Variants in CYFIP1 observed in about 807,000 individuals in gnomAD.
The protein encoded by CYFIP1 is cytoplasmic FMR1 interacting protein 1.
A neutral mutation model predicts 163.5 loss-of-function variants in CYFIP1; 58 were observed. That is an observed-to-expected ratio of 0.35 (90% CI 0.29 to 0.44). The LOEUF (loss-of-function observed/expected upper bound fraction) is 0.44. Among genes scored for constraint, CYFIP1 ranks in the 20% least tolerant of loss-of-function variants. The pLI, the probability that CYFIP1 is intolerant of heterozygous loss-of-function variation, is 1.00. For missense variants in CYFIP1, 1,338 were observed against 1,653.8 expected, an observed-to-expected ratio of 0.81 and a Z score of 3.31; for synonymous variants, 663 against 660.7, an observed-to-expected ratio of 1.00 and a Z score of -0.05.
At position 22,875,258 on chromosome 15, in the gene CYFIP1, ACTT is replaced by A. The variant is rs763262394; in HGVS notation, c.3053_3055del (p.Glu1018del). On this transcript the variant is annotated inframe_deletion, in exon 27 of 31. Transcript: ENST00000617928. ...AGGAGCCGCGTGCAGCAGGTCACAC[ACTT>A]CTTCTAAAGACTAGAGCAGAGAAAG... The A allele has an allele frequency of 3.1e-6, 5 of 1,614,128 alleles. No homozygotes were observed. Among genetic ancestry groups the A allele is most frequent in the Non-Finnish European group, 4.2e-6 (5 of 1,179,960 alleles).
At chr15:22,895,111 T>C (rs992147209) in intron 22 of CYFIP1, among the ~76,000 whole-genome samples, 1 of 151,568 alleles carries the variant, frequency 6.6e-6, no homozygotes, top group African/African-American at 2.4e-5. Flanking sequence ...GCCTCCCAGG[T>C]TCAGGCCATT....
At position 22,910,590 on chromosome 15, in the gene CYFIP1, T is replaced by G. The variant is rs2060752546; in HGVS notation, c.2198A>C (p.Asn733Thr). 5 of 1,614,078 alleles carry G rather than the reference T, an allele frequency of 3.1e-6. No homozygotes were observed. Among genetic ancestry groups the G allele is most frequent in the Non-Finnish European group, 4.2e-6 (5 of 1,180,012 alleles). Residue 733 changes from asparagine (N) to threonine (T), a missense_variant, in exon 20 of 31, where the codon AAT (asparagine) becomes ACT (threonine). This residue lies in a region of CYFIP1 where 824 missense variants were observed against 995.7 expected (regional missense o/e 0.83). Coordinates refer to ENST00000617928, the MANE Select transcript of CYFIP1 (RefSeq NM_014608.6). ...CGGGAGGTGGATCGTGGCTCCCTGA[T>G]TCTTGCATTCTGATCGTAACCGTTT... ...LDKRLRSECK[N>T]QGATIHLPPS... is the part of the protein sequence containing the mutation.
chr15:22,978,539 T>C (rs1321717960), intron 1 of CYFIP1, among the ~76,000 whole-genome samples: 1 of 152,078 alleles, frequency 6.6e-6, no homozygotes, highest in East Asian at 1.9e-4. Flanking sequence ...ACTATGTTAT[T>C]TAAAAAATTA....
intron 1 of CYFIP1, among the ~76,000 whole-genome samples, chr15:22,971,730 C>T (rs4450364): frequency 0.028 from 4,242 of 151,854 alleles, 224 homozygotes; most frequent in African/African-American, 0.097. Context: ...AGTAGCTGCA[C>T]GTGGTGGCTC....
At chr15:22,957,582 G>A (rs529626222) in intron 1 of CYFIP1, among the ~76,000 whole-genome samples, 16 of 152,296 alleles carry the variant, frequency 1.1e-4, no homozygotes, top group Admixed American at 9.8e-4. Flanking sequence ...CTTGCAGTGA[G>A]CCGAGATCGT....
Position 22,917,350 on chromosome 15 carries a change from A to G in CYFIP1, c.1674+438T>C. 8.0e-7 allele frequency: 1 copy of G among 1,255,594 alleles called. No homozygotes were observed. Among genetic ancestry groups the G allele is most frequent in the Admixed American group, 3.8e-5 (1 of 26,122 alleles). The allele number at this position is 1,255,594 out of a possible 1,614,324, so 77.8% of individuals were successfully genotyped here. The stretch of plus-strand genomic sequence containing the variant: ...GTGAGAAGCACCTCGGGGAGGCCTG[A>G]ACACACCAGGAGAGAGGACAGTGGG... On this transcript the variant is annotated intron_variant, in intron 15 of 30. Transcript: ENST00000617928. This position sits in a 1 kb window ranked among gnomAD's most constrained non-coding sequence, Gnocchi z 4.2.
rs768888794 is a variant in CYFIP1, at chr15:22,917,795, C to T, written c.1667G>A (p.Ser556Asn). 3.7e-6 allele frequency: 6 copies of T among 1,607,794 alleles called. No homozygotes were observed. The Admixed American group carries it at 1.0e-4, about 27-fold the overall frequency. ...KVPRRAVGPS[S>N]TQLYMVRTML... is the part of the protein sequence containing the mutation. ...GGCTCAAGGGACGAGAACCTGAGTG[C>T]TGGAGGGTCCCACGGCGCGGCGTGG... The change falls in exon 15 of 31, where the codon AGC becomes AAC. Residue 556 changes from serine (S) to asparagine (N), a missense_variant. Transcript: ENST00000617928. The surrounding 1 kb of genome is among the most constrained non-coding windows in gnomAD (Gnocchi z 4.2).
chr15:22,963,853 G>A (rs1196849801), intron 1 of CYFIP1, among the ~76,000 whole-genome samples: 1 of 152,136 alleles, frequency 6.6e-6, no homozygotes, highest in Admixed American at 6.5e-5. Context: ...TGGACACCAT[G>A]CCTTCATGAG....
At chr15:22,885,848 C>A (rs1426704024) in intron 23 of CYFIP1, among the ~76,000 whole-genome samples, 2 of 152,196 alleles carry the variant, frequency 1.3e-5, no homozygotes, top group African/African-American at 4.8e-5. Context: ...CTGCCTGTTA[C>A]CCAGTTCCAA....
intron 6 of CYFIP1, 50 bp from the exon 7 acceptor site, chr15:22,939,557 TAA>T (rs56068008): frequency 0.065 from 18,229 of 278,324 alleles, no homozygotes; most frequent in East Asian, 0.11. Context: ...GTGCCACATT[TAA>T]AAAAAAAAAA....
chr15:22,917,223 G>C lies in CYFIP1; in HGVS notation c.1674+565C>G. ...GCATTGCTGGTGACTTTCCAGAAGA[G>C]TGGCAGAAGAGATTAAAAGCCTCCG... On this transcript the variant is annotated intron_variant, in intron 15 of 30. Transcript: ENST00000617928. The surrounding 1 kb of genome is among the most constrained non-coding windows in gnomAD (Gnocchi z 4.2). The C allele has an allele frequency of 2.8e-5, 40 of 1,412,240 alleles. No individual in the cohort carries two copies. Among genetic ancestry groups the C allele is most frequent in the Non-Finnish European group, 3.7e-5 (40 of 1,090,670 alleles). The allele number at this position is 1,412,240 out of a possible 1,614,324, so 87.5% of individuals were successfully genotyped here.
intron 23 of CYFIP1, among the ~76,000 whole-genome samples, chr15:22,887,736 G>GT (rs1212268211): frequency 1.3e-5 from 2 of 152,158 alleles, no homozygotes; most frequent in African/African-American, 4.8e-5. Context: ...ACTCAGGGGA[G>GT]TGGGAGGAGG....
intron 1 of CYFIP1, among the ~76,000 whole-genome samples, chr15:22,955,496 T>A: frequency 6.6e-6 from 1 of 152,244 alleles, no homozygotes; most frequent in African/African-American, 2.4e-5. Context: ...CAGACAGAGT[T>A]GCCCCGGCGT....
chr15:22,944,653 A>G lies in CYFIP1; in HGVS notation c.292T>C (p.Cys98Arg). The G allele has an allele frequency of 6.2e-7, 1 of 1,613,414 alleles. No individual in the cohort carries two copies. Among genetic ancestry groups the G allele is most frequent in the Non-Finnish European group, 8.5e-7 (1 of 1,179,328 alleles). Residue 98 changes from cysteine (C) to arginine (R), a missense_variant, in exon 5 of 31, where the codon TGT becomes CGT. Around this residue, in one of 4 missense-constraint regions of CYFIP1, gnomAD observed 186 missense variants for 288.3 expected, o/e 0.65. Transcript: ENST00000617928. ...TCCACTCTGTTAGGCTGCTCGTTAC[A>G]TTTCACCTGGGAATAAAGGAACAAG... ...SCSRAIPQVK[C>R]NEQPNRVEIY...
intron 3 of CYFIP1, 128 bp downstream of exon 3, chr15:22,946,875 G>T: frequency 1.2e-6 from 1 of 801,702 alleles, no homozygotes; most frequent in Non-Finnish European, 2.2e-6. Flanking sequence ...AAAATATAAG[G>T]CATTTCATTC....
chr15:22,913,242 AGGTG>A (rs1240847907), intron 17 of CYFIP1, among the ~76,000 whole-genome samples: 1 of 150,662 alleles, frequency 6.6e-6, no homozygotes, highest in African/African-American at 2.4e-5. Context: ...AAAAGAACAA[AGGTG>A]GACTGGGCGC....
rs2061954202 is a variant in CYFIP1, at chr15:22,943,373, A to G, written c.388-19T>C. The G allele has an allele frequency of 6.2e-7, 1 of 1,611,268 alleles. No individual in the cohort carries two copies. The highest frequency in any genetic ancestry group is 1.3e-5 in the African/African-American group (1 of 74,906). ...CATTTCTCTGTGCAGAGGAAGCAGGAGGGCAGAAAGCTGCAGGTCAGTGAG... is the reference window on the plus strand; with the variant it reads ...CATTTCTCTGTGCAGAGGAAGCAGGGGGGCAGAAAGCTGCAGGTCAGTGAG... On this transcript the variant is annotated intron_variant, in intron 5 of 30. Transcript: ENST00000617928.
Position 22,917,386 on chromosome 15 carries a change from C to A in CYFIP1, c.1674+402G>T. 1.1e-6 allele frequency: 1 copy of A among 945,818 alleles called. No individual in the cohort carries two copies. The highest frequency in any genetic ancestry group is 1.4e-6 in the Non-Finnish European group (1 of 713,856). 58.6% of individuals were successfully genotyped at this position (945,818 alleles called of 1,614,324 possible). ...AGAGAGGACAGTGGGCAGCTTAGGA[C>A]CATGACACACGCAAGCAGCACCTCA... On this transcript the variant is annotated intron_variant, in intron 15 of 30. Coordinates refer to ENST00000617928, the MANE Select transcript of CYFIP1 (RefSeq NM_014608.6). This position sits in a 1 kb window ranked among gnomAD's most constrained non-coding sequence, Gnocchi z 4.2.
intron 22 of CYFIP1, among the ~76,000 whole-genome samples, chr15:22,898,940 T>C (rs577721046): frequency 6.6e-6 from 1 of 151,702 alleles, no homozygotes; most frequent in South Asian, 2.1e-4. Flanking sequence ...AGGCAGAGGT[T>C]GCAGTGAGCC....
Sources: gnomAD v4.1 joint callset for allele counts (sites outside exome capture counted in the v4.1 genomes callset) on GRCh38, gnomAD v4.1.1 for gene constraint, gnomAD v4.1.1 regional missense constraint, Gnocchi (gnomAD v3.1) non-coding constraint, MANE v1.5 for transcripts, NCBI Gene and HGNC (gene_info 2026-07-23, HGNC 2026-07-21) for gene names.